The following VNN1 variants were observed in gnomAD, a reference collection of about 807,000 sequenced individuals.
VNN1 encodes pantetheinase.
A neutral mutation model predicts 41.9 loss-of-function variants in VNN1; 29 were observed. That is an observed-to-expected ratio of 0.69 (90% CI 0.52 to 0.94). The LOEUF is 0.94. Among genes scored for constraint, VNN1 ranks in the 40% least tolerant of loss-of-function variants. The probability of loss-of-function intolerance (pLI) is 0.00; values close to 1 mark genes in which losing one functional copy is unlikely to be tolerated. For missense variants in VNN1, 637 were observed against 621.1 expected, an observed-to-expected ratio of 1.03 and a Z score of -0.27; for synonymous variants, 233 against 224.4, an observed-to-expected ratio of 1.04 and a Z score of -0.34.
At position 132,692,207 on chromosome 6, in the gene VNN1, G is replaced by A. The variant is rs771158951; in HGVS notation, c.1188+16C>T. 19 of 1,527,364 alleles carry A rather than the reference G, an allele frequency of 1.2e-5. No homozygotes were observed. The South Asian group carries it at 2.5e-4, about 20-fold the overall frequency. The allele number at this position is 1,527,364 out of a possible 1,614,324, so 94.6% of individuals were successfully genotyped here. The stretch of plus-strand genomic sequence containing the variant: ...CTTTATTTTATCCAGTAACTCTTCT[G>A]ACATCAAAATATTACCTGTAGATAA... On this transcript the variant is annotated intron_variant, in intron 5 of 6. Coordinates refer to ENST00000367928, the MANE Select transcript of VNN1 (RefSeq NM_004666.3).
chr6:132,693,350 T>C, intron 3 of VNN1, 35 bp from the exon 4 acceptor site: 1 of 1,540,242 alleles, frequency 6.5e-7, no homozygotes, highest in Non-Finnish European at 8.7e-7. Context: ...AAAAAAATTA[T>C]TTTAGGAAGT....
intron 2 of VNN1, among the ~76,000 whole-genome samples, chr6:132,710,548 G>T (rs1025674808): frequency 2.0e-5 from 3 of 152,034 alleles, no homozygotes; most frequent in Admixed American, 6.6e-5. Flanking sequence ...ACAGGCCCCG[G>T]TGTGTGATGT....
intron 1 of VNN1, among the ~76,000 whole-genome samples, chr6:132,712,454 C>G (rs1778616174): frequency 6.6e-6 from 1 of 152,062 alleles, no homozygotes; most frequent in Non-Finnish European, 1.5e-5. Flanking sequence ...CTGGCTTAGT[C>G]AAGCATTTTA....
rs748164424 is a variant in VNN1 at position 132,694,035 on chromosome 6, A to G, written c.489T>C (p.Asp163=). Reference sequence around the variant, plus strand: ...GTTTTCCTTGAGAATCAAATACCACATCAGTGTTGTATTGGTAACGGCCAT... The same window carrying G: ...GTTTTCCTTGAGAATCAAATACCACGTCAGTGTTGTATTGGTAACGGCCAT... ...PPDGRYQYNT[D]VVFDSQGKLV... Residue 163 remains aspartate, a synonymous_variant, in exon 3 of 7, where the codon GAT becomes GAC. Coordinates refer to ENST00000367928, the MANE Select transcript of VNN1 (RefSeq NM_004666.3). 3.7e-6 allele frequency: 6 copies of G among 1,614,166 alleles called. No homozygotes were observed. The highest frequency in any genetic ancestry group is 8.5e-7 in the Non-Finnish European group (1 of 1,180,014).
At chr6:132,694,660 G>A (rs1708312565) in intron 2 of VNN1, among the ~76,000 whole-genome samples, 1 of 150,628 alleles carries the variant, frequency 6.6e-6, no homozygotes, top group Non-Finnish European at 1.5e-5. Context: ...TTTGAGACCA[G>A]CCTGGGCAAC....
At chr6:132,706,952 C>T (rs2114370431) in intron 2 of VNN1, among the ~76,000 whole-genome samples, 1 of 150,288 alleles carries the variant, frequency 6.7e-6, no homozygotes, top group Middle Eastern at 3.4e-3. Context: ...ATCAACCGGG[C>T]ATGGTGATTC....
At chr6:132,689,191 A>T (rs906713010) in intron 5 of VNN1, among the ~76,000 whole-genome samples, 2 of 151,972 alleles carry the variant, frequency 1.3e-5, no homozygotes, top group African/African-American at 4.8e-5. Context: ...GATTCCTCTC[A>T]TATTTTATGT....
intron 2 of VNN1, among the ~76,000 whole-genome samples, chr6:132,706,160 A>T (rs560842098): frequency 6.6e-6 from 1 of 152,274 alleles, no homozygotes; most frequent in South Asian, 2.1e-4. Flanking sequence ...TAGAAAAAAA[A>T]ATTCTGAAAT....
At chr6:132,691,460 G>C (rs1372825450) in intron 5 of VNN1, among the ~76,000 whole-genome samples, 1 of 151,962 alleles carries the variant, frequency 6.6e-6, no homozygotes, top group Non-Finnish European at 1.5e-5. Flanking sequence ...CTATCTTGGT[G>C]GTCAACCCCA....
In VNN1 at chr6:132,698,448, G is replaced by T. The variant is rs139020576; in HGVS notation, c.342-4266C>A. Reference sequence around the variant, plus strand: ...AGGCAGAGCTGTCCAAGCATACAATGTGAGAGACATAGAAATGTCAGATGT... The same window carrying T: ...AGGCAGAGCTGTCCAAGCATACAATTTGAGAGACATAGAAATGTCAGATGT... On this transcript the variant is annotated intron_variant, in intron 2 of 6. Coordinates refer to ENST00000367928, the MANE Select transcript of VNN1 (RefSeq NM_004666.3). Among the ~76,000 whole-genome samples the T allele has an allele frequency of 1.4e-4, 21 of 152,370 alleles. No individual in the cohort carries two copies. The East Asian group carries it at 2.9e-3, about 21-fold the overall frequency.
At chr6:132,690,183 A>C (rs1196141881) in intron 5 of VNN1, among the ~76,000 whole-genome samples, 1 of 152,190 alleles carries the variant, frequency 6.6e-6, no homozygotes, top group Non-Finnish European at 1.5e-5. Flanking sequence ...TGATATATTC[A>C]AAGGTAGATC....
chr6:132,688,778 A>G (rs1778239972), intron 5 of VNN1, among the ~76,000 whole-genome samples: 1 of 152,178 alleles, frequency 6.6e-6, no homozygotes, highest in Non-Finnish European at 1.5e-5. Flanking sequence ...CTTCTACAAT[A>G]TGATTCATTT....
chr6:132,694,467 G>A (rs6930032), intron 2 of VNN1, among the ~76,000 whole-genome samples: 36,578 of 152,044 alleles, frequency 0.24, 5,154 homozygotes, highest in East Asian at 0.47. Flanking sequence ...TTACGTGTTT[G>A]TCTTATAATG....
At chr6:132,701,783 A>T (rs1017612610) in intron 2 of VNN1, among the ~76,000 whole-genome samples, 1 of 152,242 alleles carries the variant, frequency 6.6e-6, no homozygotes, top group Non-Finnish European at 1.5e-5. Context: ...TTAATTGCCA[A>T]TACCACTCTC....
At chr6:132,691,003 G>A (rs993894320) in intron 5 of VNN1, among the ~76,000 whole-genome samples, 6 of 152,144 alleles carry the variant, frequency 3.9e-5, no homozygotes, top group African/African-American at 1.4e-4. Flanking sequence ...GGCTCGCCAC[G>A]GATAAAGGAC....
chr6:132,686,425 G>C (rs964401559), intron 5 of VNN1, among the ~76,000 whole-genome samples: 1 of 152,046 alleles, frequency 6.6e-6, no homozygotes, highest in African/African-American at 2.4e-5. Context: ...TCCAGCCTTG[G>C]CAACAGAAAG....
chr6:132,711,592 A>G, intron 2 of VNN1, 117 bp downstream of exon 2: 1 of 1,216,538 alleles, frequency 8.2e-7, no homozygotes, highest in Non-Finnish European at 1.1e-6. Flanking sequence ...GATGAAAAAT[A>G]AGCTATACTG....
chr6:132,684,694 ATAAT>A (rs1275105072), intron 5 of VNN1, among the ~76,000 whole-genome samples, 189 bp from the exon 6 acceptor site: 1 of 152,028 alleles, frequency 6.6e-6, no homozygotes, highest in Non-Finnish European at 1.5e-5. Context: ...ATAGAATAAA[ATAAT>A]TAAATAAACT....
At chr6:132,694,254 A>AG in intron 2 of VNN1, 72 bp from the exon 3 acceptor site, 1 of 1,411,918 alleles carries the variant, frequency 7.1e-7, no homozygotes, top group Non-Finnish European at 9.5e-7. Flanking sequence ...CCTGAATGAT[A>AG]GTTGCCTAAA....
Sources: gnomAD v4.1 joint callset for allele counts (sites outside exome capture counted in the v4.1 genomes callset) on GRCh38, gnomAD v4.1.1 for gene constraint, MANE v1.5 for transcripts, NCBI Gene and HGNC (gene_info 2026-07-23, HGNC 2026-07-21) for gene names.